Variants in HS3ST2 observed in about 807,000 individuals in gnomAD.
HS3ST2 encodes heparan sulfate-glucosamine 3-sulfotransferase 2, also known as heparan sulfate glucosamine 3-O-sulfotransferase 2.
A neutral mutation model predicts 26.3 loss-of-function variants in HS3ST2; 17 were observed. The ratio of observed to expected loss-of-function variants is 0.65; its 90% CI spans 0.44 to 0.97. The LOEUF (loss-of-function observed/expected upper bound fraction) is 0.97. HS3ST2 is among the 50% of genes least tolerant of loss of function. The pLI is 0.00. For missense variants in HS3ST2, 402 were observed against 501.2 expected (o/e 0.80, Z 1.89); for synonymous variants, 237 against 219.2 (o/e 1.08, Z -0.72).
chr16:22,842,011 T>C (rs1202547716), intron 1 of HS3ST2, among the ~76,000 whole-genome samples: 1 of 152,028 alleles, frequency 6.6e-6, no homozygotes, highest in East Asian at 1.9e-4. Context: ...CTGGTTGTTT[T>C]TCGCTGTATC....
chr16:22,835,017 T>A (rs1444606139), intron 1 of HS3ST2, among the ~76,000 whole-genome samples: 1 of 152,174 alleles, frequency 6.6e-6, no homozygotes, highest in Non-Finnish European at 1.5e-5. Context: ...ATTGACTTTA[T>A]CTTTTAGTGT....
intron 1 of HS3ST2, among the ~76,000 whole-genome samples, chr16:22,875,582 T>A (rs1901904611): frequency 6.6e-6 from 1 of 152,046 alleles, no homozygotes; most frequent in South Asian, 2.1e-4. Flanking sequence ...TGGATTTCAC[T>A]GTGTTAGCCA....
chr16:22,842,436 A>G (rs1009484422), intron 1 of HS3ST2, among the ~76,000 whole-genome samples: 1 of 152,078 alleles, frequency 6.6e-6, no homozygotes. Context: ...CAAGAATACA[A>G]TGTATTGTTA....
chr16:22,826,509 A>G (rs1211127558), intron 1 of HS3ST2, among the ~76,000 whole-genome samples: 1 of 151,976 alleles, frequency 6.6e-6, no homozygotes, highest in Non-Finnish European at 1.5e-5. Flanking sequence ...TGACATCTGA[A>G]ATTATTGTGT....
chr16:22,913,284 G>T (rs1469523213), intron 1 of HS3ST2, among the ~76,000 whole-genome samples: 1 of 152,078 alleles, frequency 6.6e-6, no homozygotes, highest in Non-Finnish European at 1.5e-5. Context: ...AGAAGTAGCG[G>T]TTGGGAACCA....
chr16:22,842,921 T>C (rs9937960), intron 1 of HS3ST2, among the ~76,000 whole-genome samples: 2,831 of 152,314 alleles, frequency 0.019, 76 homozygotes, highest in African/African-American at 0.061. Context: ...CATTGTGCCA[T>C]GTAATGTGCT....
At chr16:22,856,668 T>C (rs1418664820) in intron 1 of HS3ST2, among the ~76,000 whole-genome samples, 2 of 152,088 alleles carry the variant, frequency 1.3e-5, no homozygotes, top group African/African-American at 4.8e-5. Flanking sequence ...TGGATTTGAA[T>C]CTGGAGGAGC....
At chr16:22,826,505 C>A (rs1464024037) in intron 1 of HS3ST2, among the ~76,000 whole-genome samples, 1 of 152,160 alleles carries the variant, frequency 6.6e-6, no homozygotes, top group Non-Finnish European at 1.5e-5. Context: ...TCACTGACAT[C>A]TGAAATTATT....
chr16:22,871,333 C>T (rs563690542), intron 1 of HS3ST2, among the ~76,000 whole-genome samples: 11 of 143,720 alleles, frequency 7.7e-5, no homozygotes, highest in East Asian at 4.1e-4. Context: ...TCTAGCCTGG[C>T]GACAGAGCGA....
Position 22,915,014 on chromosome 16 carries a change from G to T in HS3ST2, c.556G>T (p.Glu186Ter), listed in dbSNP as rs759806785. 1 of 1,614,076 alleles carries T rather than the reference G, an allele frequency of 6.2e-7. No homozygotes were observed. The highest frequency in any genetic ancestry group is 8.5e-7 in the Non-Finnish European group (1 of 1,180,030). The change falls in exon 2 of 2, where the codon GAG (glutamate) becomes TAG (stop). Residue 186 changes from glutamate to a stop codon, truncating the protein, a stop_gained. Coordinates refer to ENST00000261374, the MANE Select transcript of HS3ST2 (RefSeq NM_006043.2). LOFTEE classifies it high-confidence loss of function. ...EKTPSYFVTQEAPRRIFNMSR... is the reference protein window; with the variant it reads ...EKTPSYFVTQ ...GACGCCCAGCTACTTTGTCACTCAA[G>T]AGGCTCCTCGACGCATCTTCAACAT...
intron 1 of HS3ST2, among the ~76,000 whole-genome samples, chr16:22,821,764 G>A (rs2141174783): frequency 6.6e-6 from 1 of 152,274 alleles, no homozygotes; most frequent in South Asian, 2.1e-4. Context: ...AGCACTGTGA[G>A]GTTCACAAGC....
In HS3ST2 at chr16:22,888,373, CT is replaced by C. The variant is rs1165585404; in HGVS notation, c.486-26552del. On this transcript the variant is annotated intron_variant, in intron 1 of 1. Coordinates refer to ENST00000261374, the MANE Select transcript of HS3ST2 (RefSeq NM_006043.2). ...CTTTTCAAGAATGTCTCTGGCTTTTCTTTTTTTTTTTTTTTTTTTCTTTTTT... is the reference window on the plus strand; with the variant it reads ...CTTTTCAAGAATGTCTCTGGCTTTTCTTTTTTTTTTTTTTTTTTCTTTTTT... Among the ~76,000 whole-genome samples, 128 of 61,308 alleles carry C rather than the reference CT, an allele frequency of 2.1e-3. 1 individual carries two copies. Among genetic ancestry groups the C allele is most frequent in the Admixed American group, 5.8e-3 (30 of 5,214 alleles). 40.2% of individuals were successfully genotyped at this position (61,308 alleles called of 152,430 possible). A position where few individuals can be genotyped will look rare whatever the true frequency, so the allele number is the denominator to read the frequency against.
intron 1 of HS3ST2, among the ~76,000 whole-genome samples, chr16:22,892,644 T>G (rs1902146328): frequency 6.6e-6 from 1 of 152,200 alleles, no homozygotes; most frequent in South Asian, 2.1e-4. Flanking sequence ...TTAAGCATCC[T>G]TATCCATCTT....
intron 1 of HS3ST2, among the ~76,000 whole-genome samples, chr16:22,851,251 G>T (rs1901514389): frequency 6.6e-6 from 1 of 152,150 alleles, no homozygotes; most frequent in Non-Finnish European, 1.5e-5. Context: ...GTACAGGGAA[G>T]GGAGGAACTG....
intron 1 of HS3ST2, among the ~76,000 whole-genome samples, chr16:22,899,962 G>T (rs1902262215): frequency 6.6e-6 from 1 of 152,198 alleles, no homozygotes; most frequent in African/African-American, 2.4e-5. Flanking sequence ...ATCTGGAGTG[G>T]AACCAGCCTT....
intron 1 of HS3ST2, among the ~76,000 whole-genome samples, chr16:22,902,707 T>C (rs1902296093): frequency 6.6e-6 from 1 of 152,094 alleles, no homozygotes; most frequent in South Asian, 2.1e-4. Flanking sequence ...ATCATAATTG[T>C]TACAATTAAA....
At chr16:22,842,794 G>C (rs554162799) in intron 1 of HS3ST2, among the ~76,000 whole-genome samples, 20 of 152,136 alleles carry the variant, frequency 1.3e-4, no homozygotes, top group Middle Eastern at 3.4e-3. Context: ...TCTCCGTGTT[G>C]AGCTACAGAA....
chr16:22,838,228 A>G (rs1901298467), intron 1 of HS3ST2, among the ~76,000 whole-genome samples: 1 of 152,146 alleles, frequency 6.6e-6, no homozygotes, highest in Non-Finnish European at 1.5e-5. Context: ...CTAGAGCTAG[A>G]CAAAGAATCT....
intron 1 of HS3ST2, among the ~76,000 whole-genome samples, chr16:22,861,013 C>CT (rs1901665714): frequency 6.6e-6 from 1 of 151,890 alleles, no homozygotes; most frequent in South Asian, 2.1e-4. Context: ...GCCAGGACTA[C>CT]AGGCAAGCAC....
Sources: gnomAD v4.1 joint callset for allele counts (sites outside exome capture counted in the v4.1 genomes callset) on GRCh38, gnomAD v4.1.1 for gene constraint, MANE v1.5 for transcripts, NCBI Gene and HGNC (gene_info 2026-07-23, HGNC 2026-07-21) for gene names.